Variants in TAFA4 observed in about 807,000 individuals in gnomAD.
The protein encoded by TAFA4 is TAFA chemokine like family member 4, also known as chemokine-like protein TAFA-4.
A neutral mutation model predicts 21.1 loss-of-function variants in TAFA4; 20 were observed. That is an observed-to-expected ratio of 0.95 (90% CI 0.67 to 1.38). The LOEUF (loss-of-function observed/expected upper bound fraction) is 1.38. TAFA4 is among the 40% of genes most tolerant of loss of function. The probability of loss-of-function intolerance (pLI) is 0.00; values close to 1 mark genes in which losing one functional copy is unlikely to be tolerated. For missense variants in TAFA4, 211 were observed against 180.9 expected, an observed-to-expected ratio of 1.17 and a Z score of -0.95; for synonymous variants, 71 against 67.4, an observed-to-expected ratio of 1.05 and a Z score of -0.26.
chr3:68,873,053 T>G lies in TAFA4; in HGVS notation c.130+7677A>C, dbSNP rs75999583. 1.6e-3 allele frequency among the ~76,000 whole-genome samples: 244 copies of G among 152,198 alleles called. 4 individuals are homozygous for G. In the East Asian group the frequency reaches 0.045, roughly 28 times the overall value. On this transcript the variant is annotated intron_variant, in intron 3 of 5. Transcript: ENST00000295569. ...AATATCAGCCGTATCATCTCAAGGC[T>G]GATCTTTCATCACACATTCCATTAC...
At chr3:68,754,089 G>A (rs71302144) in intron 3 of TAFA4, among the ~76,000 whole-genome samples, 7,983 of 152,188 alleles carry the variant, frequency 0.052, 485 homozygotes, top group East Asian at 0.26. Context: ...GTTTTTCTAA[G>A]CCATTTGAGA....
At chr3:68,773,635 T>G (rs1258483887) in intron 3 of TAFA4, among the ~76,000 whole-genome samples, 1 of 152,108 alleles carries the variant, frequency 6.6e-6, no homozygotes, top group Admixed American at 6.6e-5. Flanking sequence ...GTCACCTCAG[T>G]AGCATATCAA....
chr3:68,924,963 G>A (rs1226485442), intron 1 of TAFA4, among the ~76,000 whole-genome samples: 1 of 152,168 alleles, frequency 6.6e-6, no homozygotes. Context: ...CTGCATATCA[G>A]CACCTAAGCT....
chr3:68,928,199 C>A (rs1197660636), intron 1 of TAFA4, among the ~76,000 whole-genome samples: 1 of 152,166 alleles, frequency 6.6e-6, no homozygotes, highest in Non-Finnish European at 1.5e-5. Context: ...ATTCATAACT[C>A]TGAAAATCAG....
chr3:68,752,012 A>G (rs1327701802), intron 4 of TAFA4, among the ~76,000 whole-genome samples: 1 of 152,164 alleles, frequency 6.6e-6, no homozygotes, highest in East Asian at 1.9e-4. Flanking sequence ...GTGTATGTCT[A>G]TATGTGTGTT....
chr3:68,911,960 C>A (rs1387309732), intron 1 of TAFA4, among the ~76,000 whole-genome samples: 2 of 152,202 alleles, frequency 1.3e-5, no homozygotes, highest in African/African-American at 4.8e-5. Context: ...CATCACTCCC[C>A]TCATAAGCCC....
rs565580405 is a variant in TAFA4, at chr3:68,824,422, T to G, written c.130+56308A>C. Among the ~76,000 whole-genome samples, 4 of 151,732 alleles carry G rather than the reference T, an allele frequency of 2.6e-5. No individual in the cohort carries two copies. The South Asian group carries it at 8.4e-4, about 32-fold the overall frequency. On this transcript the variant is annotated intron_variant, in intron 3 of 5. Transcript: ENST00000295569. ...GGCCCTGTTCCATCGTAAAAGTACA[T>G]CACTCCGACCTCCGTTTCCATCATC...
intron 2 of TAFA4, among the ~76,000 whole-genome samples, chr3:68,882,176 T>C (rs1390870245): frequency 6.6e-6 from 1 of 152,228 alleles, no homozygotes; most frequent in Non-Finnish European, 1.5e-5. Context: ...AACGGCTATG[T>C]TGGGTAATTT....
At chr3:68,810,458 C>T (rs1252899185) in intron 3 of TAFA4, among the ~76,000 whole-genome samples, 1 of 152,148 alleles carries the variant, frequency 6.6e-6, no homozygotes, top group Admixed American at 6.5e-5. Context: ...TCTGGAAAAT[C>T]GGGTCACTCC....
intron 3 of TAFA4, among the ~76,000 whole-genome samples, chr3:68,837,556 C>G (rs1704552565): frequency 6.6e-6 from 1 of 152,060 alleles, no homozygotes; most frequent in Non-Finnish European, 1.5e-5. Flanking sequence ...CTCCTGGCAC[C>G]CGCCCCCCAC....
intron 3 of TAFA4, among the ~76,000 whole-genome samples, chr3:68,819,492 T>C (rs947952466): frequency 3.3e-5 from 5 of 152,168 alleles, no homozygotes; most frequent in Non-Finnish European, 5.9e-5. Flanking sequence ...GTATTTGTCA[T>C]CTATGGCCTC....
chr3:68,869,318 T>C (rs1202487009), intron 3 of TAFA4, among the ~76,000 whole-genome samples: 2 of 151,650 alleles, frequency 1.3e-5, no homozygotes, highest in Admixed American at 1.3e-4. Context: ...ACTCAAACTA[T>C]TCAAAAAAAT....
chr3:68,829,957 T>A (rs1704343137), intron 3 of TAFA4, among the ~76,000 whole-genome samples: 1 of 152,222 alleles, frequency 6.6e-6, no homozygotes, highest in African/African-American at 2.4e-5. Flanking sequence ...TCTTCTAGAT[T>A]TTCTAGTTTA....
intron 2 of TAFA4, 119 bp from the exon 3 acceptor site, chr3:68,880,964 C>A: frequency 1.4e-6 from 1 of 704,102 alleles, no homozygotes. Context: ...GAATTCCTTT[C>A]TCCCAAGAAA....
At chr3:68,861,456 T>G (rs573733132) in intron 3 of TAFA4, among the ~76,000 whole-genome samples, 1 of 152,226 alleles carries the variant, frequency 6.6e-6, no homozygotes, top group East Asian at 1.9e-4. Flanking sequence ...CCAGGCATCT[T>G]ATGAAACAAA....
At chr3:68,751,259 G>C (rs970684010) in intron 4 of TAFA4, among the ~76,000 whole-genome samples, 6 of 152,214 alleles carry the variant, frequency 3.9e-5, no homozygotes, top group African/African-American at 1.4e-4. Context: ...CTTAAAGAGA[G>C]TGGGAAGCCA....
chr3:68,752,516 G>A (rs1390586402), intron 4 of TAFA4, among the ~76,000 whole-genome samples: 1 of 152,176 alleles, frequency 6.6e-6, no homozygotes, highest in African/African-American at 2.4e-5. Flanking sequence ...AGAAAGTCAT[G>A]CTGCTAATTT....
intron 1 of TAFA4, among the ~76,000 whole-genome samples, chr3:68,903,207 C>T (rs2089861112): frequency 1.3e-5 from 2 of 152,074 alleles, no homozygotes; most frequent in Admixed American, 1.3e-4. Flanking sequence ...AAAACAGGAG[C>T]TTCAGCATAG....
rs1055132472 is a variant in TAFA4, at chr3:68,925,801, C to T, written c.-123+6439G>A. On this transcript the variant is annotated intron_variant, in intron 1 of 5. Coordinates refer to ENST00000295569, the MANE Select transcript of TAFA4 (RefSeq NM_182522.5). ...GTCTCATGTAAAATGATCACCACAA[C>T]GTAGGAGGTCTCTACAGGCAAGGAA... Among the ~76,000 whole-genome samples, 5 of 152,184 alleles carry T rather than the reference C, an allele frequency of 3.3e-5. 1 individual carries two copies. Among genetic ancestry groups the T allele is most frequent in the South Asian group, 4.1e-4 (2 of 4,828 alleles).
Sources: gnomAD v4.1 joint callset for allele counts (sites outside exome capture counted in the v4.1 genomes callset) on GRCh38, gnomAD v4.1.1 for gene constraint, MANE v1.5 for transcripts, NCBI Gene and HGNC (gene_info 2026-07-23, HGNC 2026-07-21) for gene names.